The following EML1 variants were observed in gnomAD, a reference collection of about 807,000 sequenced individuals.
EML1 encodes echinoderm microtubule-associated protein-like 1.
Under a neutral mutation model 110.4 loss-of-function variants are expected in EML1, and 27 were observed. The observed-to-expected ratio is 0.24, with a 90% CI of 0.18 to 0.34. The LOEUF is 0.34. EML1 is among the 10% of genes least tolerant of loss of function. The pLI is 1.00. For synonymous variants in EML1, 344 were observed against 385.8 expected, an observed-to-expected ratio of 0.89 and a Z score of 1.27; for missense variants, 741 against 1,030.9, an observed-to-expected ratio of 0.72 and a Z score of 3.85.
At chr14:99,807,340 C>T (rs1323782427) in intron 1 of EML1, among the ~76,000 whole-genome samples, 1 of 152,174 alleles carries the variant, frequency 6.6e-6, no homozygotes, top group African/African-American at 2.4e-5. Context: ...CTTTCCTGGC[C>T]TCAGTTTCCT....
chr14:99,805,649 A>AT (rs930568294), intron 1 of EML1, among the ~76,000 whole-genome samples: 7 of 151,270 alleles, frequency 4.6e-5, no homozygotes, highest in Non-Finnish European at 7.4e-5. Flanking sequence ...TAATTTTTTT[A>AT]TTTTTTTGTG....
intron 9 of EML1, among the ~76,000 whole-genome samples, chr14:99,903,218 C>A (rs959164232): frequency 1.3e-5 from 2 of 152,106 alleles, no homozygotes; most frequent in African/African-American, 4.8e-5. Context: ...ACATTTTAAG[C>A]AAAGTCAAAA....
intron 11 of EML1, among the ~76,000 whole-genome samples, chr14:99,909,975 C>A (rs1347551383): frequency 6.6e-6 from 1 of 152,270 alleles, no homozygotes; most frequent in African/African-American, 2.4e-5. Flanking sequence ...TCAGTACCCT[C>A]CTCCGCTTGC....
chr14:99,747,635 TG>T (rs1181999601), intron 1 of EML1, among the ~76,000 whole-genome samples: 2 of 152,220 alleles, frequency 1.3e-5, no homozygotes, highest in Non-Finnish European at 2.9e-5. Flanking sequence ...GCACCAGGGC[TG>T]GGCTGCGCCT....
At chr14:99,737,772 C>T (rs978946452) in exon 1 of EML1, 33 of 1,286,668 alleles carry the variant, frequency 2.6e-5, no homozygotes, top group Non-Finnish European at 3.2e-5. Flanking sequence ...TGGGTGACAG[C>T]CGCTGAGGCT....
intron 1 of EML1, among the ~76,000 whole-genome samples, chr14:99,802,851 A>G (rs1237762121): frequency 6.6e-6 from 1 of 152,076 alleles, no homozygotes; most frequent in East Asian, 1.9e-4. Context: ...GAAATTAGAC[A>G]TTTCGAATGT....
chr14:99,862,085 T>C (rs2059011827), intron 2 of EML1, among the ~76,000 whole-genome samples: 1 of 152,204 alleles, frequency 6.6e-6, no homozygotes, highest in African/African-American at 2.4e-5. Context: ...AGGCTGACAG[T>C]CTTCCTTGTT....
At position 99,939,973 on chromosome 14, in the gene EML1, A is replaced by G. The variant is rs1457516756; in HGVS notation, c.2323-14A>G. The stretch of plus-strand genomic sequence containing the variant: ...TGTAGTAAAGGAAGCTTTCCCCCGT[A>G]TCATTCCCTCCAGGCTCCAAGCCAC... On this transcript the variant is annotated splice_polypyrimidine_tract_variant and intron_variant, in intron 21 of 21. Transcript: ENST00000262233. This position sits in a 1 kb window ranked among gnomAD's most constrained non-coding sequence, Gnocchi z 4.2. 5 of 1,551,540 alleles carry G rather than the reference A, an allele frequency of 3.2e-6. No individual in the cohort carries two copies. The highest frequency in any genetic ancestry group is 3.5e-6 in the Non-Finnish European group (4 of 1,148,282).
intron 4 of EML1, among the ~76,000 whole-genome samples, chr14:99,890,717 TC>T (rs748698156): frequency 4.6e-5 from 7 of 152,160 alleles, no homozygotes; most frequent in Non-Finnish European, 1.0e-4. Context: ...TCCCCGCTTC[TC>T]TTTCTATTTT....
intron 2 of EML1, among the ~76,000 whole-genome samples, chr14:99,864,327 TA>T (rs1004111525): frequency 3.3e-5 from 5 of 152,248 alleles, no homozygotes; most frequent in Non-Finnish European, 5.9e-5. Flanking sequence ...TGCAAATTTT[TA>T]AAAATGTTAA....
At chr14:99,752,475 G>A (rs2057188256) in intron 1 of EML1, among the ~76,000 whole-genome samples, 1 of 152,228 alleles carries the variant, frequency 6.6e-6, no homozygotes, top group South Asian at 2.1e-4. Context: ...TGGCAGCTAA[G>A]GAATCTCCCC....
intron 1 of EML1, among the ~76,000 whole-genome samples, chr14:99,845,960 G>A (rs941967850): frequency 2.7e-5 from 4 of 150,354 alleles, no homozygotes; most frequent in African/African-American, 2.4e-5. Flanking sequence ...TGAGGCAGGA[G>A]AATTGCTTGA....
chr14:99,763,603 C>T (rs748686906), intron 1 of EML1, among the ~76,000 whole-genome samples: 14 of 152,134 alleles, frequency 9.2e-5, no homozygotes, highest in South Asian at 2.1e-4. Flanking sequence ...GGAATCACTG[C>T]GGAAGCATGA....
upstream of EML1, among the ~76,000 whole-genome samples, chr14:99,770,572 G>A (rs2057414977): frequency 6.6e-6 from 1 of 151,914 alleles, no homozygotes; most frequent in African/African-American, 2.4e-5. Context: ...GGACACAAAT[G>A]TTCAGTCCAT....
chr14:99,911,139 A>G (rs1438672915), intron 12 of EML1, among the ~76,000 whole-genome samples: 1 of 152,144 alleles, frequency 6.6e-6, no homozygotes, highest in Non-Finnish European at 1.5e-5. Context: ...GAAACAGCTC[A>G]CTAGAGAGCT....
intron 17 of EML1, among the ~76,000 whole-genome samples, chr14:99,935,051 G>A (rs1162892980): frequency 2.0e-5 from 3 of 152,204 alleles, no homozygotes; most frequent in South Asian, 4.1e-4. Context: ...GAGTGAACCC[G>A]TGTGTTCAGT....
intron 16 of EML1, among the ~76,000 whole-genome samples, chr14:99,918,347 C>G (rs1429145872): frequency 6.6e-6 from 1 of 152,170 alleles, no homozygotes; most frequent in Non-Finnish European, 1.5e-5. Context: ...CCTCCCACCT[C>G]GGTCTCCCAA....
chr14:99,835,982 T>C (rs1398741504), intron 1 of EML1, among the ~76,000 whole-genome samples: 1 of 152,244 alleles, frequency 6.6e-6, no homozygotes, highest in Non-Finnish European at 1.5e-5. Flanking sequence ...TCCAGCTTTT[T>C]ACTCTTCTTC....
intron 13 of EML1, 94 bp from the exon 14 acceptor site, chr14:99,914,085 T>C (rs192306849): frequency 7.5e-6 from 11 of 1,472,816 alleles, no homozygotes; most frequent in Admixed American, 1.9e-5. Flanking sequence ...AAAACTGTTA[T>C]AGGGACTATC....
Sources: gnomAD v4.1 joint callset for allele counts (sites outside exome capture counted in the v4.1 genomes callset) on GRCh38, gnomAD v4.1.1 for gene constraint, Gnocchi (gnomAD v3.1) non-coding constraint, MANE v1.5 for transcripts, NCBI Gene and HGNC (gene_info 2026-07-23, HGNC 2026-07-21) for gene names.